EP300: variants seen among roughly 807,000 people sequenced by gnomAD.
The protein encoded by EP300 is EP300 lysine acetyltransferase.
In EP300, 31 loss-of-function variants were observed where a neutral mutation model predicts 264.0. The ratio of observed to expected loss-of-function variants is 0.12; its 90% CI spans 0.09 to 0.16. The LOEUF (loss-of-function observed/expected upper bound fraction) is 0.16, where lower values mean the gene tolerates loss of function less well. EP300 is among the 10% of genes least tolerant of loss of function. EP300 has a pLI of 1.00. For synonymous variants in EP300, 1,340 were observed against 1,045.4 expected (o/e 1.28, Z -5.44); for missense variants, 2,766 against 3,052.9 (o/e 0.91, Z 2.21).
At chr22:41,128,283 C>T (rs565215128) in intron 4 of EP300, among the ~76,000 whole-genome samples, 21 of 152,076 alleles carry the variant, frequency 1.4e-4, no homozygotes, top group East Asian at 9.7e-4. Context: ...GGTGAAACCT[C>T]GTCTCTACAA....
chr22:41,174,115 AAAGAAAT>A (rs2059186619), intron 29 of EP300, among the ~76,000 whole-genome samples: 1 of 149,886 alleles, frequency 6.7e-6, no homozygotes. Context: ...CACCTCAGAA[AAAGAAAT>A]AAGAAATGAA....
intron 16 of EP300, 134 bp downstream of exon 16, chr22:41,152,484 G>GT: frequency 1.0e-6 from 1 of 990,660 alleles, no homozygotes; most frequent in Non-Finnish European, 1.5e-6. Flanking sequence ...CCTGGGCCTG[G>GT]TCTCTTCATT....
intron 6 of EP300, among the ~76,000 whole-genome samples, 162 bp from the exon 7 acceptor site, chr22:41,135,651 A>C (rs1038643936): frequency 1.3e-5 from 2 of 152,002 alleles, no homozygotes; most frequent in African/African-American, 2.4e-5. Context: ...GGGTGCTTCA[A>C]ATCAGCCTTT....
At chr22:41,146,928 GC>G in intron 11 of EP300, 112 bp downstream of exon 11, 2 of 918,564 alleles carry the variant, frequency 2.2e-6, no homozygotes, top group Non-Finnish European at 3.4e-6. Flanking sequence ...ATGATTACCT[GC>G]CCATAGAGGA....
chr22:41,131,292 CG>C (rs1366477055), intron 5 of EP300, 95 bp from the exon 6 acceptor site: 1 of 1,325,250 alleles, frequency 7.5e-7, no homozygotes, highest in Admixed American at 1.7e-5. Context: ...TTCATAATCA[CG>C]TAACAATAAT....
intron 1 of EP300, among the ~76,000 whole-genome samples, chr22:41,102,223 G>A (rs1321738691): frequency 1.5e-4 from 23 of 151,974 alleles, no homozygotes; most frequent in Admixed American, 1.5e-3. Flanking sequence ...TTCCTTCCTG[G>A]AGTTTATAGA....
chr22:41,129,893 C>T lies in EP300; in HGVS notation c.1172C>T (p.Ala391Val), dbSNP rs1195950990. 8 of 1,612,738 alleles carry T rather than the reference C, an allele frequency of 5.0e-6. 1 individual carries two copies. The South Asian group carries it at 8.8e-5, about 18-fold the overall frequency. The part of the protein sequence containing the change: ...HCQSGKSCQV[A>V]HCASSRQIIS... ...AAATATGTTTTCTTCTCTTTAGTGG[C>T]ACACTGTGCATCTTCTCGACAAATC... The change falls in exon 5 of 31, where the codon GCA (alanine) becomes GTA (valine). Residue 391 changes from alanine to valine, a missense_variant. Transcript: ENST00000263253.
At chr22:41,101,541 G>A (rs1052546079) in intron 1 of EP300, among the ~76,000 whole-genome samples, 16 of 150,342 alleles carry the variant, frequency 1.1e-4, no homozygotes, top group African/African-American at 3.9e-4. Flanking sequence ...CCTCCCTAGT[G>A]GCTGGGACTA....
In EP300 at chr22:41,140,283, A is replaced by G. The variant is rs763258988; in HGVS notation, c.1878+26A>G. Reference sequence around the variant, plus strand: ...GTGAGTGTCTGGTTTTTTTCTATTAATAGCCAAGATTGAACCTGTTGTGGT... The same window carrying G: ...GTGAGTGTCTGGTTTTTTTCTATTAGTAGCCAAGATTGAACCTGTTGTGGT... On this transcript the variant is annotated intron_variant, in intron 9 of 30. Coordinates refer to ENST00000263253, the MANE Select transcript of EP300 (RefSeq NM_001429.4). 1.7e-5 allele frequency: 25 copies of G among 1,436,936 alleles called. No individual in the cohort carries two copies. In the African/African-American group the frequency reaches 2.2e-4, roughly 13 times the overall value. 89.0% of individuals were successfully genotyped at this position (1,436,936 alleles called of 1,614,324 possible).
At chr22:41,151,734 G>A (rs1478834684) in intron 14 of EP300, 99 bp from the exon 15 acceptor site, 3 of 1,191,982 alleles carry the variant, frequency 2.5e-6, no homozygotes, top group Non-Finnish European at 3.7e-6. Flanking sequence ...CAAGAAATAG[G>A]TGGCTAATTC....
chr22:41,092,748 A>T lies in EP300; in HGVS notation c.-257A>T. On this transcript the variant is annotated 5_prime_UTR_variant, in exon 1 of 31. Transcript: ENST00000263253. ...TTCGCCGCAGCGGACGCGCTCGGCG[A>T]ATTTGTGCTCTTGTGCCCTCCTCCG... 1 of 608,438 alleles carries T rather than the reference A, an allele frequency of 1.6e-6. No individual in the cohort carries two copies. Among genetic ancestry groups the T allele is most frequent in the Non-Finnish European group, 3.0e-6 (1 of 335,128 alleles). 37.7% of individuals were successfully genotyped at this position (608,438 alleles called of 1,614,324 possible). A position where few individuals can be genotyped will look rare whatever the true frequency, so the allele number is the denominator to read the frequency against.
chr22:41,162,236 C>T (rs2059112306), intron 20 of EP300, among the ~76,000 whole-genome samples: 1 of 152,058 alleles, frequency 6.6e-6, no homozygotes, highest in Admixed American at 6.6e-5. Context: ...GTATAAGAAA[C>T]GGTTTTCAAT....
chr22:41,144,901 A>G (rs2145730233), intron 10 of EP300, among the ~76,000 whole-genome samples: 1 of 152,246 alleles, frequency 6.6e-6, no homozygotes, highest in Middle Eastern at 3.4e-3. Context: ...GCTGCTTTAA[A>G]AAAAAAAGGA....
intron 6 of EP300, 73 bp downstream of exon 6, chr22:41,131,706 A>T (rs2145716017): frequency 6.2e-7 from 1 of 1,602,504 alleles, no homozygotes; most frequent in South Asian, 1.1e-5. Context: ...CAGTGTTGTT[A>T]GCTCCTTTTT....
At chr22:41,126,123 A>G (rs1435346383) in intron 3 of EP300, 83 bp downstream of exon 3, 9 of 1,435,794 alleles carry the variant, frequency 6.3e-6, no homozygotes, top group Non-Finnish European at 7.8e-6. Context: ...CTTCTGTTAT[A>G]TATGCTGGGA....
intron 6 of EP300, 152 bp downstream of exon 6, chr22:41,131,785 C>T (rs1363209531): frequency 3.6e-6 from 4 of 1,119,626 alleles, no homozygotes; most frequent in East Asian, 2.5e-5. Flanking sequence ...CCTTACAGTT[C>T]ATCTACGAGA....
intron 25 of EP300, 198 bp from the exon 26 acceptor site, chr22:41,169,305 G>C: frequency 1.7e-6 from 1 of 603,772 alleles, no homozygotes. Context: ...ACTACAAATA[G>C]AAGGAAACCA....
chr22:41,150,307 A>G, intron 14 of EP300, 109 bp downstream of exon 14: 1 of 1,296,072 alleles, frequency 7.7e-7, no homozygotes, highest in Non-Finnish European at 1.1e-6. Context: ...TGTTTTCTCC[A>G]CAAGTAGAAT....
intron 29 of EP300, 42 bp from the exon 30 acceptor site, chr22:41,176,205 G>A (rs2145511769): frequency 6.2e-7 from 1 of 1,612,096 alleles, no homozygotes; most frequent in South Asian, 1.1e-5. Context: ...GGATGACAGA[G>A]CGAGGCCCTG....
Sources: allele counts gnomAD v4.1 joint callset (sites outside exome capture counted in the v4.1 genomes callset), GRCh38; gene constraint gnomAD v4.1.1; transcripts MANE v1.5; gene names NCBI Gene and HGNC (gene_info 2026-07-23, HGNC 2026-07-21).